GDNF: variants seen among roughly 807,000 people sequenced by gnomAD.
The protein encoded by GDNF is glial cell line-derived neurotrophic factor.
A neutral mutation model predicts 13.7 loss-of-function variants in GDNF; 5 were observed. That is an observed-to-expected ratio of 0.36 (90% CI 0.19 to 0.77). The LOEUF (loss-of-function observed/expected upper bound fraction) is 0.77. GDNF is among the 30% of genes least tolerant of loss of function. The pLI, the probability that GDNF is intolerant of heterozygous loss-of-function variation, is 0.51. For missense variants in GDNF, 246 were observed against 274.3 expected, an observed-to-expected ratio of 0.90 and a Z score of 0.73; for synonymous variants, 122 against 112.5, an observed-to-expected ratio of 1.08 and a Z score of -0.53.
At chr5:37,836,839 TG>T (rs764036423) in intron 1 of GDNF, among the ~76,000 whole-genome samples, 1 of 152,236 alleles carries the variant, frequency 6.6e-6, no homozygotes, top group Non-Finnish European at 1.5e-5. Context: ...TTTTCCTGCT[TG>T]GCCGACGGAG....
At chr5:37,836,081 T>A (rs1750694508) in intron 1 of GDNF, among the ~76,000 whole-genome samples, 1 of 151,962 alleles carries the variant, frequency 6.6e-6, no homozygotes, top group Non-Finnish European at 1.5e-5. Flanking sequence ...CCAGGGTTCG[T>A]CTCCAGGGCA....
At chr5:37,836,114 C>T (rs1194707607) in intron 1 of GDNF, among the ~76,000 whole-genome samples, 1 of 152,134 alleles carries the variant, frequency 6.6e-6, no homozygotes, top group Non-Finnish European at 1.5e-5. Flanking sequence ...AGAGAATCTC[C>T]TCAAGCGGAA....
intron 2 of GDNF, 116 bp from the exon 3 acceptor site, chr5:37,816,251 C>A: frequency 1.0e-6 from 1 of 975,586 alleles, no homozygotes. Context: ...GCAAAACTAT[C>A]AGCCGATTAA....
chr5:37,821,072 T>C (rs1019054705), intron 2 of GDNF, among the ~76,000 whole-genome samples: 2 of 152,218 alleles, frequency 1.3e-5, no homozygotes, highest in African/African-American at 4.8e-5. Context: ...AGTTCATTCT[T>C]AGAGCCAGCC....
chr5:37,833,922 T>G (rs1750608424), intron 2 of GDNF, among the ~76,000 whole-genome samples: 1 of 152,238 alleles, frequency 6.6e-6, no homozygotes, highest in African/African-American at 2.4e-5. Flanking sequence ...AACATGTTAA[T>G]TTTTGAGAGG....
intron 2 of GDNF, among the ~76,000 whole-genome samples, chr5:37,828,029 A>G (rs1750388661): frequency 6.6e-6 from 1 of 152,200 alleles, no homozygotes; most frequent in Admixed American, 6.5e-5. Flanking sequence ...AAGTTATGCA[A>G]AAGTGGGTTT....
At position 37,838,605 on chromosome 5, in the gene GDNF, A is replaced by G. The variant is rs1026991822; in HGVS notation, c.-27+902T>C. On this transcript the variant is annotated intron_variant, in intron 1 of 2. Coordinates refer to ENST00000326524, the MANE Select transcript of GDNF (RefSeq NM_000514.4). This position sits in a 1 kb window ranked among gnomAD's most constrained non-coding sequence, Gnocchi z 4.1. Reference sequence around the variant, plus strand: ...CTGGCGGCGGATTCTACCAAAGCCGAAACTAGCTGGGCCCCAGGAAGCTGG... The same window carrying G: ...CTGGCGGCGGATTCTACCAAAGCCGGAACTAGCTGGGCCCCAGGAAGCTGG... 6.6e-6 allele frequency among the ~76,000 whole-genome samples: 1 copy of G among 152,188 alleles called. No individual in the cohort carries two copies. The highest frequency in any genetic ancestry group is 2.4e-5 in the African/African-American group (1 of 41,450).
At position 37,815,966 on chromosome 5, in the gene GDNF, A is replaced by T; in HGVS notation, c.321T>A (p.Gly107=). The change falls in exon 3 of 3, where the codon GGT becomes GGA. Residue 107 remains glycine (G), a synonymous_variant. Transcript: ENST00000326524. The surrounding 1 kb of genome is among the most constrained non-coding windows in gnomAD (Gnocchi z 5.0). The part of the protein sequence containing the change: ...AANPENSRGK[G]RRGQRGKNRG... ...GGTTTTTGCCCCTCTGGCCTCTCCG[A>T]CCTTTTCCTCTGGAATTCTCTGGGT... 6.2e-7 allele frequency: 1 copy of T among 1,614,102 alleles called. No homozygotes were observed. Among genetic ancestry groups the T allele is most frequent in the Non-Finnish European group, 8.5e-7 (1 of 1,180,020 alleles).
intron 2 of GDNF, among the ~76,000 whole-genome samples, chr5:37,816,849 T>C (rs1252024856): frequency 6.6e-6 from 1 of 152,204 alleles, no homozygotes; most frequent in African/African-American, 2.4e-5. Context: ...GGAATGCAAC[T>C]ATAGTTTAAA....
At position 37,820,576 on chromosome 5, in the gene GDNF, T is replaced by C. The variant is rs1207296474; in HGVS notation, c.152-4441A>G. On this transcript the variant is annotated intron_variant, in intron 2 of 2. Transcript: ENST00000326524. The stretch of plus-strand genomic sequence containing the variant: ...CAAGAGTGAACCCCAATGTCAACTG[T>C]GGACTTTGAGTGATAATGATGTGTC... Among the ~76,000 whole-genome samples, 4 of 152,282 alleles carry C rather than the reference T, an allele frequency of 2.6e-5. No individual in the cohort carries two copies. The East Asian group carries it at 7.7e-4, about 29-fold the overall frequency.
chr5:37,820,118 T>TA (rs2111651724), intron 2 of GDNF, among the ~76,000 whole-genome samples: 1 of 152,290 alleles, frequency 6.6e-6, no homozygotes, highest in South Asian at 2.1e-4. Context: ...GAATTCTAAA[T>TA]AAGTCATTAA....
Position 37,815,770 on chromosome 5 carries a change from T to C in GDNF, c.517A>G (p.Lys173Glu). Residue 173 changes from lysine (K) to glutamate (E), a missense_variant, in exon 3 of 3, where the codon AAA becomes GAA. Physicochemically the swap from Lys to Glu is moderately conservative, Grantham distance 56. Transcript: ENST00000326524. This position sits in a 1 kb window ranked among gnomAD's most constrained non-coding sequence, Gnocchi z 5.0. Reference protein sequence around the residue: ...LSRNRRLVSDKVGQACCRPIA... With the variant: ...LSRNRRLVSDEVGQACCRPIA... ...GGTCTGCAACATGCCTGCCCTACTTTGTCACTCACCAGCCTTCTATTTCTG... is the reference window on the plus strand; with the variant it reads ...GGTCTGCAACATGCCTGCCCTACTTCGTCACTCACCAGCCTTCTATTTCTG... The C allele has an allele frequency of 6.2e-7, 1 of 1,614,220 alleles. No individual in the cohort carries two copies. Among genetic ancestry groups the C allele is most frequent in the Non-Finnish European group, 8.5e-7 (1 of 1,180,046 alleles).
chr5:37,831,635 C>T (rs188796420), intron 2 of GDNF, among the ~76,000 whole-genome samples: 6 of 152,312 alleles, frequency 3.9e-5, no homozygotes, highest in Middle Eastern at 3.4e-3. Flanking sequence ...GTCCCAGCTT[C>T]AGACCTGCCT....
chr5:37,822,426 C>T (rs1299616157), intron 2 of GDNF, among the ~76,000 whole-genome samples: 1 of 152,166 alleles, frequency 6.6e-6, no homozygotes, highest in Non-Finnish European at 1.5e-5. Context: ...GAGCCAAGGC[C>T]ACACAAGTGA....
chr5:37,831,266 C>A (rs1348862806), intron 2 of GDNF, among the ~76,000 whole-genome samples: 2 of 152,192 alleles, frequency 1.3e-5, no homozygotes, highest in African/African-American at 4.8e-5. Flanking sequence ...TACCACCACA[C>A]ATGTGCATTT....
chr5:37,836,222 G>T (rs932446036), intron 1 of GDNF, among the ~76,000 whole-genome samples: 2 of 151,970 alleles, frequency 1.3e-5, no homozygotes, highest in African/African-American at 4.8e-5. Context: ...ATGCGGGAGG[G>T]AAATGCAAAA....
chr5:37,826,655 C>G (rs1750324724), intron 2 of GDNF, among the ~76,000 whole-genome samples: 1 of 152,228 alleles, frequency 6.6e-6, no homozygotes, highest in African/African-American at 2.4e-5. Context: ...ACTGAGGCAC[C>G]TGGCCCTCTG....
At chr5:37,825,008 C>A (rs180858046) in intron 2 of GDNF, among the ~76,000 whole-genome samples, 1 of 152,220 alleles carries the variant, frequency 6.6e-6, no homozygotes, top group Non-Finnish European at 1.5e-5. Flanking sequence ...AGAAAAAGAC[C>A]AACCAGAATG....
intron 2 of GDNF, among the ~76,000 whole-genome samples, chr5:37,823,546 C>T (rs1009705684): frequency 6.6e-6 from 1 of 152,202 alleles, no homozygotes; most frequent in East Asian, 1.9e-4. Flanking sequence ...GCATATCACG[C>T]TAAGACAGCT....
Sources: gnomAD v4.1 joint callset for allele counts (sites outside exome capture counted in the v4.1 genomes callset) on GRCh38, gnomAD v4.1.1 for gene constraint, Gnocchi (gnomAD v3.1) non-coding constraint, MANE v1.5 for transcripts, NCBI Gene and HGNC (gene_info 2026-07-23, HGNC 2026-07-21) for gene names.